The following MDGA2 variants were observed in gnomAD, a reference collection of about 807,000 sequenced individuals.
The protein encoded by MDGA2 is MAM domain-containing glycosylphosphatidylinositol anchor protein 2.
In MDGA2, 40 loss-of-function variants were observed where a neutral mutation model predicts 117.8. The observed-to-expected ratio is 0.34, with a 90% CI of 0.26 to 0.44. The LOEUF is 0.44. Among genes scored for constraint, MDGA2 ranks in the 20% least tolerant of loss-of-function variants. MDGA2 has a pLI of 1.00. For missense variants in MDGA2, 1,123 were observed against 1,250.6 expected (o/e 0.90, Z 1.54); for synonymous variants, 452 against 439.0 (o/e 1.03, Z -0.37).
intron 3 of MDGA2, among the ~76,000 whole-genome samples, chr14:47,181,228 C>T (rs1884691124): frequency 6.6e-6 from 1 of 152,142 alleles, no homozygotes; most frequent in Non-Finnish European, 1.5e-5. Context: ...TGCTCTCCCT[C>T]TCCTTGTCCC....
chr14:47,201,260 C>T (rs901114542), intron 3 of MDGA2, among the ~76,000 whole-genome samples: 10 of 152,264 alleles, frequency 6.6e-5, no homozygotes, highest in South Asian at 4.1e-4. Flanking sequence ...TTTCAATATC[C>T]GCATCAATCC....
chr14:47,027,956 T>C (rs1888534188), intron 8 of MDGA2, among the ~76,000 whole-genome samples: 1 of 152,130 alleles, frequency 6.6e-6, no homozygotes, highest in Non-Finnish European at 1.5e-5. Context: ...TCTTATTTTG[T>C]ACAGAGTTTA....
chr14:47,495,960 T>C (rs915860711), intron 1 of MDGA2, among the ~76,000 whole-genome samples: 3 of 152,016 alleles, frequency 2.0e-5, no homozygotes, highest in African/African-American at 7.2e-5. Flanking sequence ...AATTTTATTT[T>C]AATTTCTTTG....
At chr14:47,454,097 T>C (rs1893296180) in intron 1 of MDGA2, among the ~76,000 whole-genome samples, 1 of 152,194 alleles carries the variant, frequency 6.6e-6, no homozygotes, top group Non-Finnish European at 1.5e-5. Flanking sequence ...GCTACTAGAA[T>C]TGTGAAAACG....
intron 2 of MDGA2, among the ~76,000 whole-genome samples, chr14:47,292,012 C>G (rs993737768): frequency 4.6e-5 from 7 of 152,322 alleles, no homozygotes; most frequent in Admixed American, 4.6e-4. Context: ...TGTTAGATTA[C>G]TAGCTGCATA....
chr14:47,370,468 G>GGTTTTTTT (rs1891322783), intron 1 of MDGA2, among the ~76,000 whole-genome samples: 1 of 20,678 alleles, frequency 4.8e-5, no homozygotes, highest in Admixed American at 1.0e-3. Context: ...TCTACTTACT[G>GGTTTTTTT]TTTTTTTTTT....
chr14:47,411,958 A>G lies in MDGA2; in HGVS notation c.281-110408T>C, dbSNP rs75408605. Among the ~76,000 whole-genome samples, 374 of 152,324 alleles carry G rather than the reference A, an allele frequency of 2.5e-3. 1 individual carries two copies. Among genetic ancestry groups the G allele is most frequent in the African/African-American group, 8.5e-3 (354 of 41,570 alleles). The stretch of plus-strand genomic sequence containing the variant: ...TTGAAAAGTAGTCACTCTTACTAGG[A>G]GTACTGCTGTCTTGCAAATTGGGAA... On this transcript the variant is annotated intron_variant, in intron 1 of 16. Coordinates refer to ENST00000399232, the MANE Select transcript of MDGA2 (RefSeq NM_001113498.3).
chr14:47,100,060 T>C (rs897622993), intron 5 of MDGA2, among the ~76,000 whole-genome samples: 1 of 151,840 alleles, frequency 6.6e-6, no homozygotes, highest in Non-Finnish European at 1.5e-5. Flanking sequence ...CAGAAATATC[T>C]CTACCATTTT....
intron 3 of MDGA2, among the ~76,000 whole-genome samples, chr14:47,158,006 T>TAC (rs3039402): frequency 0.51 from 76,218 of 148,888 alleles, 19,727 homozygotes; most frequent in East Asian, 0.66. Flanking sequence ...ACAGTATCTA[T>TAC]ACACACACAC....
chr14:47,000,333 T>TTATA lies in MDGA2; in HGVS notation c.1819+34674_1819+34677dup, dbSNP rs199648904. Among the ~76,000 whole-genome samples the TTATA allele has an allele frequency of 6.2e-3, 799 of 128,628 alleles. 6 individuals carry two copies. The highest frequency in any genetic ancestry group is 8.1e-3 in the Non-Finnish European group (505 of 62,100). 84.4% of individuals were successfully genotyped at this position (128,628 alleles called of 152,430 possible). On this transcript the variant is annotated intron_variant, in intron 8 of 16. Transcript: ENST00000399232. ...GACAGCTGTGAGTATATATATATAT[T>TTATA]TATATATATATATATACACACACAT...
chr14:47,421,917 T>TG (rs1248102978), intron 1 of MDGA2, among the ~76,000 whole-genome samples: 1 of 152,190 alleles, frequency 6.6e-6, no homozygotes, highest in Non-Finnish European at 1.5e-5. Flanking sequence ...TAAATTCATT[T>TG]TTTTTCAAGT....
At chr14:47,311,658 GTAAATA>G (rs1889638982) in intron 1 of MDGA2, among the ~76,000 whole-genome samples, 1 of 152,068 alleles carries the variant, frequency 6.6e-6, no homozygotes, top group African/African-American at 2.4e-5. Context: ...TGTAAACTTA[GTAAATA>G]TCAAGCACCT....
chr14:47,189,579 C>G (rs932922548), intron 3 of MDGA2, among the ~76,000 whole-genome samples: 3 of 152,098 alleles, frequency 2.0e-5, no homozygotes, highest in Non-Finnish European at 2.9e-5. Flanking sequence ...CTCCCCATCA[C>G]CTTTTAAACA....
chr14:47,064,371 T>C (rs1383476450), intron 6 of MDGA2, among the ~76,000 whole-genome samples: 1 of 152,058 alleles, frequency 6.6e-6, no homozygotes, highest in African/African-American at 2.4e-5. Context: ...GATTATTTAA[T>C]AGAGAGTCAT....
intron 9 of MDGA2, among the ~76,000 whole-genome samples, chr14:46,940,264 G>T (rs1437872376): frequency 6.6e-6 from 1 of 152,156 alleles, no homozygotes; most frequent in Non-Finnish European, 1.5e-5. Context: ...TTTAACTCAA[G>T]AATAATAAAT....
chr14:47,602,724 T>C lies in MDGA2; in HGVS notation c.280+71793A>G, dbSNP rs188092564. ...ACTTACCACCAGTTTGTCTGTAGCA[T>C]GCAAACCAGACAAAAGAGAGAGCTT... On this transcript the variant is annotated intron_variant, in intron 1 of 16. Coordinates refer to ENST00000399232, the MANE Select transcript of MDGA2 (RefSeq NM_001113498.3). Among the ~76,000 whole-genome samples the C allele has an allele frequency of 4.6e-5, 7 of 152,250 alleles. No homozygotes were observed. In the East Asian group the frequency reaches 7.7e-4, roughly 17 times the overall value.
intron 1 of MDGA2, among the ~76,000 whole-genome samples, chr14:47,415,824 C>T (rs1239366677): frequency 6.6e-6 from 1 of 152,124 alleles, no homozygotes; most frequent in Non-Finnish European, 1.5e-5. Flanking sequence ...CCTGCTGCAT[C>T]CTCACATGGT....
intron 2 of MDGA2, among the ~76,000 whole-genome samples, chr14:47,291,925 A>G (rs760904366): frequency 6.6e-5 from 10 of 152,188 alleles, no homozygotes; most frequent in Non-Finnish European, 1.3e-4. Flanking sequence ...AGATATGTAC[A>G]TGTGGATTAC....
At chr14:47,064,465 C>T (rs891249130) in intron 6 of MDGA2, among the ~76,000 whole-genome samples, 10 of 152,112 alleles carry the variant, frequency 6.6e-5, no homozygotes, top group East Asian at 3.9e-4. Flanking sequence ...GGTGTGTGTG[C>T]GTGTACTCAT....
Sources: gnomAD v4.1 joint callset for allele counts (sites outside exome capture counted in the v4.1 genomes callset) on GRCh38, gnomAD v4.1.1 for gene constraint, MANE v1.5 for transcripts, NCBI Gene and HGNC (gene_info 2026-07-23, HGNC 2026-07-21) for gene names.